MOB3B: variants seen among roughly 807,000 people sequenced by gnomAD.
MOB3B encodes the protein MOB kinase activator-like 2B.
Under a neutral mutation model 18.7 loss-of-function variants are expected in MOB3B, and 7 were observed. The ratio of observed to expected loss-of-function variants is 0.37; its 90% confidence interval spans 0.21 to 0.70. The LOEUF is 0.70. Ranked by LOEUF, MOB3B falls within the 30% of genes least tolerant of loss-of-function variation. The pLI is 0.52. For synonymous variants in MOB3B, 111 were observed against 99.9 expected, an observed-to-expected ratio of 1.11 and a Z score of -0.66; for missense variants, 253 against 281.3, an observed-to-expected ratio of 0.90 and a Z score of 0.72.
At chr9:27,493,549 G>A (rs1388892120) in intron 1 of MOB3B, among the ~76,000 whole-genome samples, 5 of 152,112 alleles carry the variant, frequency 3.3e-5, no homozygotes, top group Admixed American at 2.0e-4. Context: ...GCTGAGGCAG[G>A]AGAATGGCGT....
chr9:27,494,584 G>T (rs999561217), intron 1 of MOB3B, among the ~76,000 whole-genome samples: 1 of 152,184 alleles, frequency 6.6e-6, no homozygotes, highest in Non-Finnish European at 1.5e-5. Flanking sequence ...GCGCGATCTT[G>T]GCTCACTGCA....
intron 2 of MOB3B, among the ~76,000 whole-genome samples, chr9:27,413,402 T>A (rs2131404044): frequency 6.6e-6 from 1 of 152,184 alleles, no homozygotes; most frequent in East Asian, 1.9e-4. Context: ...CTGGCAAGAA[T>A]TTTATCAAAG....
chr9:27,399,934 A>G (rs1265471006), intron 2 of MOB3B, among the ~76,000 whole-genome samples: 2 of 152,006 alleles, frequency 1.3e-5, no homozygotes, highest in Non-Finnish European at 2.9e-5. Context: ...CATTCTCTCC[A>G]CATATCTAAA....
rs150255774 is a variant in MOB3B at position 27,403,067 on chromosome 9, A to G, written c.419-43831T>C. Among the ~76,000 whole-genome samples, 787 of 150,696 alleles carry G rather than the reference A, an allele frequency of 5.2e-3. 7 individuals are homozygous for G. Among genetic ancestry groups the G allele is most frequent in the African/African-American group, 0.018 (742 of 41,180 alleles). On this transcript the variant is annotated intron_variant, in intron 2 of 3. Transcript: ENST00000262244. ...TAAAAGGGAGACTAGTCATGGACCG[A>G]AAAAAAAAAGTTTGGTATCTGGCTC...
intron 1 of MOB3B, among the ~76,000 whole-genome samples, chr9:27,491,453 G>A (rs1431678219): frequency 6.6e-6 from 1 of 152,060 alleles, no homozygotes; most frequent in Non-Finnish European, 1.5e-5. Context: ...TGTTGAATTT[G>A]CCATAATAAG....
chr9:27,448,674 T>C (rs781653312), intron 2 of MOB3B, among the ~76,000 whole-genome samples: 1 of 152,198 alleles, frequency 6.6e-6, no homozygotes, highest in Non-Finnish European at 1.5e-5. Context: ...AGCCAAAACA[T>C]GTCAGCAGAT....
At chr9:27,386,142 A>C (rs1476900363) in intron 2 of MOB3B, among the ~76,000 whole-genome samples, 1 of 152,206 alleles carries the variant, frequency 6.6e-6, no homozygotes, top group Non-Finnish European at 1.5e-5. Flanking sequence ...GAATGAGTCC[A>C]AGTTTCGAGT....
intron 2 of MOB3B, among the ~76,000 whole-genome samples, chr9:27,371,034 G>A (rs991637529): frequency 4.6e-5 from 7 of 152,268 alleles, no homozygotes; most frequent in East Asian, 3.9e-4. Flanking sequence ...TACTGATACC[G>A]AGGAAGAAGT....
Position 27,350,900 on chromosome 9 carries a change from C to CT in MOB3B, c.621+8133dup, listed in dbSNP as rs36005041. Among the ~76,000 whole-genome samples, 697 of 131,870 alleles carry CT rather than the reference C, an allele frequency of 5.3e-3. 3 individuals are homozygous for CT. Among genetic ancestry groups the CT allele is most frequent in the East Asian group, 0.021 (94 of 4,556 alleles). The allele number at this position is 131,870 out of a possible 152,430, so 86.5% of individuals were successfully genotyped here. A position where few individuals can be genotyped will look rare whatever the true frequency, so the allele number is the denominator to read the frequency against. On this transcript the variant is annotated intron_variant, in intron 3 of 3. Transcript: ENST00000262244. ...TCTGCCCCTCTGCTGCCATGGTGGGCTTTTTTTTTTTTTTTTTTTAAGACG... is the reference window on the plus strand; with the variant it reads ...TCTGCCCCTCTGCTGCCATGGTGGGCTTTTTTTTTTTTTTTTTTTTAAGACG...
chr9:27,483,556 G>C (rs1819694751), intron 1 of MOB3B, among the ~76,000 whole-genome samples: 1 of 152,114 alleles, frequency 6.6e-6, no homozygotes, highest in Non-Finnish European at 1.5e-5. Flanking sequence ...TTCTTTTTAA[G>C]AATTCTTGAC....
intron 1 of MOB3B, among the ~76,000 whole-genome samples, chr9:27,507,091 C>T (rs769809090): frequency 6.6e-6 from 1 of 152,108 alleles, no homozygotes; most frequent in East Asian, 1.9e-4. Flanking sequence ...TGCTGTGTGC[C>T]ACATTTAAGA....
At chr9:27,515,545 C>G (rs913225204) in intron 1 of MOB3B, among the ~76,000 whole-genome samples, 2 of 152,192 alleles carry the variant, frequency 1.3e-5, no homozygotes, top group Non-Finnish European at 2.9e-5. Flanking sequence ...AGAGCATTGG[C>G]ACTTAATAAT....
At chr9:27,523,667 A>G (rs1196147374) in intron 1 of MOB3B, among the ~76,000 whole-genome samples, 1 of 152,180 alleles carries the variant, frequency 6.6e-6, no homozygotes, top group Non-Finnish European at 1.5e-5. Context: ...GCAACAGAAA[A>G]CCAAGCCAAC....
At position 27,524,314 on chromosome 9, in the gene MOB3B, G is replaced by A. The variant is rs534195258; in HGVS notation, c.-199+5241C>T. 46 of 1,600,358 alleles carry A rather than the reference G, an allele frequency of 2.9e-5. No individual in the cohort carries two copies. In the South Asian group the frequency reaches 4.4e-4, roughly 15 times the overall value. Reference sequence around the variant, plus strand: ...CATCATTGTCATATACACATCTTCTGGATTTTTTAGCTTGCAAAAAAAATG... The same window carrying A: ...CATCATTGTCATATACACATCTTCTAGATTTTTTAGCTTGCAAAAAAAATG... On this transcript the variant is annotated intron_variant, in intron 1 of 3. Transcript: ENST00000262244.
intron 1 of MOB3B, among the ~76,000 whole-genome samples, chr9:27,505,729 C>G (rs1820048308): frequency 6.6e-6 from 1 of 152,204 alleles, no homozygotes; most frequent in African/African-American, 2.4e-5. Flanking sequence ...GTGGTTTCTT[C>G]TCTTGCACCA....
chr9:27,520,347 C>T (rs1483047678), intron 1 of MOB3B, among the ~76,000 whole-genome samples: 1 of 152,198 alleles, frequency 6.6e-6, no homozygotes, highest in African/African-American at 2.4e-5. Flanking sequence ...TAAACGATCT[C>T]AAGCCATGCC....
At chr9:27,426,318 G>T (rs1822329258) in intron 2 of MOB3B, among the ~76,000 whole-genome samples, 1 of 152,194 alleles carries the variant, frequency 6.6e-6, no homozygotes, top group Non-Finnish European at 1.5e-5. Context: ...GGAAGGAAAG[G>T]GGTTATACGT....
At chr9:27,486,180 T>G (rs1587249995) in intron 1 of MOB3B, among the ~76,000 whole-genome samples, 1 of 152,142 alleles carries the variant, frequency 6.6e-6, no homozygotes, top group African/African-American at 2.4e-5. Flanking sequence ...AATGCCTCTT[T>G]GATGAAGATA....
intron 1 of MOB3B, among the ~76,000 whole-genome samples, chr9:27,467,295 T>A (rs1819399955): frequency 1.3e-5 from 2 of 152,228 alleles, no homozygotes; most frequent in Non-Finnish European, 2.9e-5. Context: ...CTTTGTGCTT[T>A]AATTTCTTTC....
Sources: gnomAD v4.1 joint callset for allele counts (sites outside exome capture counted in the v4.1 genomes callset) on GRCh38, gnomAD v4.1.1 for gene constraint, MANE v1.5 for transcripts, NCBI Gene and HGNC (gene_info 2026-07-23, HGNC 2026-07-21) for gene names.